Variants in AOPEP observed in about 807,000 individuals in gnomAD.
AOPEP encodes the protein aminopeptidase O (putative).
AOPEP carries 77 observed loss-of-function variants against 98.1 expected under a neutral mutation model. That is an observed-to-expected ratio of 0.78 (90% confidence interval 0.65 to 0.95). The LOEUF is 0.95. Ranked by LOEUF, AOPEP falls within the 40% of genes least tolerant of loss-of-function variation. The pLI, the probability that AOPEP is intolerant of heterozygous loss-of-function variation, is 0.00. For synonymous variants in AOPEP, 346 were observed against 365.3 expected (o/e 0.95, Z 0.60); for missense variants, 1,024 against 1,024.7 (o/e 1.00, Z 0.01).
chr9:95,116,765 C>T, the AOPEP span, among the ~76,000 whole-genome samples: 1 of 152,226 alleles, frequency 6.6e-6, no homozygotes, highest in East Asian at 1.9e-4. Flanking sequence ...CATCACTTCC[C>T]CAGCTGGATA....
At chr9:95,037,120 T>A (rs547683698) in intron 13 of AOPEP, among the ~76,000 whole-genome samples, 12 of 152,306 alleles carry the variant, frequency 7.9e-5, no homozygotes, top group African/African-American at 2.9e-4. Context: ...GGCTTTTAAT[T>A]TTTTTCTAAA....
At chr9:94,904,475 TA>T in intron 5 of AOPEP, 3 of 152,334 alleles carry the variant, frequency 2.0e-5, no homozygotes, top group Admixed American at 2.0e-4. Context: ...TTGGGCTTTT[TA>T]AAAAGTCTTC....
At chr9:95,086,190 C>T (rs1227782394) in intron 16 of AOPEP, 5 of 1,305,118 alleles carry the variant, frequency 3.8e-6, no homozygotes, top group Non-Finnish European at 5.0e-6. Context: ...ACCCTGCGTC[C>T]ACCCCGGCCC....
chr9:95,042,691 C>T (rs2065440915), intron 13 of AOPEP, among the ~76,000 whole-genome samples: 2 of 152,120 alleles, frequency 1.3e-5, no homozygotes, highest in South Asian at 4.2e-4. Context: ...TTAAAGCTAG[C>T]ATGGTTTGGC....
At chr9:94,885,659 G>A (rs2048156308) in intron 5 of AOPEP, among the ~76,000 whole-genome samples, 1 of 152,048 alleles carries the variant, frequency 6.6e-6, no homozygotes, top group South Asian at 2.1e-4. Context: ...ATTTTGCTGA[G>A]TAGTCTTCAT....
intron 7 of AOPEP, among the ~76,000 whole-genome samples, chr9:94,935,807 T>C (rs1000374777): frequency 2.3e-4 from 35 of 152,182 alleles, no homozygotes; most frequent in African/African-American, 8.2e-4. Flanking sequence ...GCGTGAATGC[T>C]TAACTCCCCG....
chr9:94,777,625 CTTTTTTTTT>C (rs34067261), intron 3 of AOPEP, among the ~76,000 whole-genome samples: 76 of 94,188 alleles, frequency 8.1e-4, no homozygotes, highest in African/African-American at 3.2e-3. Flanking sequence ...ATTATATAAT[CTTTTTTTTT>C]TTTTTTTTTT....
At chr9:94,847,875 T>C (rs1730936295) in intron 5 of AOPEP, among the ~76,000 whole-genome samples, 2 of 152,168 alleles carry the variant, frequency 1.3e-5, no homozygotes, top group African/African-American at 4.8e-5. Flanking sequence ...AGACCTAGGA[T>C]TTAAATGGTG....
downstream of AOPEP, among the ~76,000 whole-genome samples, chr9:95,090,535 C>T (rs1703323170): frequency 6.6e-6 from 1 of 152,130 alleles, no homozygotes; most frequent in Admixed American, 6.5e-5. Context: ...TGACCCCAGC[C>T]CAGAGGGCCC....
intron 7 of AOPEP, chr9:94,933,447 G>A (rs528117693): frequency 4.1e-6 from 4 of 985,424 alleles, no homozygotes; most frequent in East Asian, 1.1e-4. Flanking sequence ...TGAGGAAAAC[G>A]TTAAAATGTA....
Position 94,982,564 on chromosome 9 carries a change from A to AATTTTTT in AOPEP, c.1977+3137_1977+3138insATTTTTT, listed in dbSNP as rs1564480333. Among the ~76,000 whole-genome samples, 272 of 140,056 alleles carry AATTTTTT rather than the reference A, an allele frequency of 1.9e-3. 7 individuals carry two copies. Among genetic ancestry groups the AATTTTTT allele is most frequent in the African/African-American group, 7.5e-3 (262 of 34,832 alleles). The allele number at this position is 140,056 out of a possible 152,430, so 91.9% of individuals were successfully genotyped here. A position where few individuals can be genotyped will look rare whatever the true frequency, so the allele number is the denominator to read the frequency against. ...TCCCTTAATATAATTCAAGAGCAATACTTTTTTTTTTTTTTTTTTTTGGAG... is the reference window on the plus strand; with the variant it reads ...TCCCTTAATATAATTCAAGAGCAATAATTTTTTCTTTTTTTTTTTTTTTTTTTTGGAG... On this transcript the variant is annotated intron_variant, in intron 11 of 16. Transcript: ENST00000375315.
chr9:94,761,302 T>C (rs1385452930), intron 2 of AOPEP, among the ~76,000 whole-genome samples: 1 of 152,350 alleles, frequency 6.6e-6, no homozygotes, highest in South Asian at 2.1e-4. Context: ...GCTCTAACAA[T>C]TGTTCAGATT....
At chr9:94,923,416 C>T (rs2053882937) in intron 5 of AOPEP, among the ~76,000 whole-genome samples, 1 of 152,194 alleles carries the variant, frequency 6.6e-6, no homozygotes, top group African/African-American at 2.4e-5. Flanking sequence ...CTTACACGGT[C>T]TCGGCCTTTA....
chr9:94,948,410 T>C (rs1462207911), intron 7 of AOPEP, among the ~76,000 whole-genome samples: 1 of 136,360 alleles, frequency 7.3e-6, no homozygotes, highest in Non-Finnish European at 1.5e-5. Context: ...GAATTGGCCC[T>C]CAGGATCCCA....
intron 5 of AOPEP, among the ~76,000 whole-genome samples, chr9:94,895,229 T>TAAAAAAAAAAAAAA: frequency 3.9e-5 from 1 of 25,336 alleles, no homozygotes; most frequent in African/African-American, 7.5e-5. Context: ...TAAAAAAAAA[T>TAAAAAAAAAAAAAA]AAAATAAAAT....
At chr9:94,847,702 G>A (rs529362925) in intron 5 of AOPEP, among the ~76,000 whole-genome samples, 1 of 152,280 alleles carries the variant, frequency 6.6e-6, no homozygotes, top group South Asian at 2.1e-4. Context: ...AAACAGATAT[G>A]AGTGGGAGAA....
chr9:95,020,991 C>G (rs2063411616), intron 13 of AOPEP, among the ~76,000 whole-genome samples: 1 of 149,420 alleles, frequency 6.7e-6, no homozygotes, highest in Non-Finnish European at 1.5e-5. Flanking sequence ...AGTAATGGCA[C>G]TCTCACAAAT....
intron 2 of AOPEP, 90 bp from the exon 3 acceptor site, chr9:94,772,912 T>C: frequency 2.4e-6 from 3 of 1,257,642 alleles, no homozygotes; most frequent in Non-Finnish European, 3.3e-6. Context: ...CTTTGAAAGC[T>C]CAACTTAACC....
chr9:94,856,136 C>G (rs1470014874), intron 5 of AOPEP, among the ~76,000 whole-genome samples: 1 of 152,198 alleles, frequency 6.6e-6, no homozygotes, highest in Admixed American at 6.5e-5. Context: ...TGTGCCATGT[C>G]TGTGCATTTG....
Sources: gnomAD v4.1 joint callset for allele counts (sites outside exome capture counted in the v4.1 genomes callset) on GRCh38, gnomAD v4.1.1 for gene constraint, MANE v1.5 for transcripts, NCBI Gene and HGNC (gene_info 2026-07-23, HGNC 2026-07-21) for gene names.